Variants in COL5A1 observed in about 807,000 individuals in gnomAD.
The protein encoded by COL5A1 is collagen alpha-1(V) chain.
A neutral mutation model predicts 263.7 loss-of-function variants in COL5A1; 16 were observed. The ratio of observed to expected loss-of-function variants is 0.06; its 90% CI spans 0.04 to 0.09. COL5A1 has a LOEUF of 0.09. Ranked by LOEUF, COL5A1 falls within the 10% of genes least tolerant of loss-of-function variation. COL5A1 has a pLI of 1.00. For missense variants in COL5A1, 2,036 were observed against 2,540.5 expected, an observed-to-expected ratio of 0.80 and a Z score of 4.27; for synonymous variants, 1,012 against 1,004.5, an observed-to-expected ratio of 1.01 and a Z score of -0.14.
Position 134,802,991 on chromosome 9 carries a change from C to T in COL5A1, c.3110C>T (p.Thr1037Met), listed in dbSNP as rs150487609. 9.0e-5 allele frequency: 144 copies of T among 1,598,662 alleles called. No individual in the cohort carries two copies. Among genetic ancestry groups the T allele is most frequent in the Admixed American group, 1.7e-4 (10 of 57,424 alleles). Residue 1037 changes from threonine (T) to methionine (M), a missense_variant, in exon 39 of 66, where the codon ACG becomes ATG. Coordinates refer to ENST00000371817, the MANE Select transcript of COL5A1 (RefSeq NM_000093.5). ...CCGGGCCTTGCTGGAAAAGAAGGGACGAAGGTGAGTTTCTGGAGCCTTCTG... is the reference window on the plus strand; with the variant it reads ...CCGGGCCTTGCTGGAAAAGAAGGGATGAAGGTGAGTTTCTGGAGCCTTCTG... ...GLPGLAGKEG[T>M]KGDPGPAGLP...
intron 25 of COL5A1, among the ~76,000 whole-genome samples, chr9:134,771,599 C>T (rs1228226968): frequency 1.3e-5 from 2 of 152,246 alleles, no homozygotes; most frequent in South Asian, 2.1e-4. Flanking sequence ...AAGTCACACA[C>T]GAACCATTTA....
chr9:134,822,126 G>A lies in COL5A1; in HGVS notation c.4584G>A (p.Gly1528=). The A allele has an allele frequency of 6.2e-7, 1 of 1,606,124 alleles. No individual in the cohort carries two copies. Among genetic ancestry groups the A allele is most frequent in the South Asian group, 1.1e-5 (1 of 90,922 alleles). The change falls in exon 59 of 66, where the codon GGG becomes GGA. Residue 1528 remains glycine (G), a synonymous_variant. Transcript: ENST00000371817. ...TCACTGGTCCTTCTGGCCCGATTGGGCCTCCTGGGCCCCCTGGCCTGCCGG... is the reference window on the plus strand; with the variant it reads ...TCACTGGTCCTTCTGGCCCGATTGGACCTCCTGGGCCCCCTGGCCTGCCGG... ...QGITGPSGPI[G]PPGPPGLPGP...
intron 4 of COL5A1, 141 bp downstream of exon 4, chr9:134,701,474 C>G: frequency 2.4e-6 from 2 of 849,944 alleles, no homozygotes; most frequent in South Asian, 2.9e-5. Context: ...GGTCAGAAGC[C>G]TCTGCTGCCA....
Position 134,666,260 on chromosome 9 carries a change from C to T in COL5A1, c.109+23964C>T, listed in dbSNP as rs182822182. ...TGCCATCCTTCATCCACTCATTTTA[C>T]AGGTGGGGAACCTGAGGCTGGTACC... On this transcript the variant is annotated intron_variant, in intron 1 of 65. Transcript: ENST00000371817. 3.4e-3 allele frequency among the ~76,000 whole-genome samples: 517 copies of T among 152,306 alleles called. 20 individuals are homozygous for T. In the South Asian group the frequency reaches 0.068, roughly 20 times the overall value.
At chr9:134,703,845 T>C (rs957049199) in intron 4 of COL5A1, among the ~76,000 whole-genome samples, 35 of 152,038 alleles carry the variant, frequency 2.3e-4, no homozygotes, top group African/African-American at 6.5e-4. Flanking sequence ...TTCACTGTGT[T>C]AGCCAGGATG....
chr9:134,766,910 A>T lies in COL5A1; in HGVS notation c.2134-90A>T, dbSNP rs1017991066. ...AGGCAGTGGGGAGCAGTTTGAAAGG[A>T]TGGGAGGCCAGTGAGGGGGCACACG... is the stretch of plus-strand genomic sequence containing the variant. On this transcript the variant is annotated intron_variant, in intron 22 of 65. Transcript: ENST00000371817. 7 of 1,249,646 alleles carry T rather than the reference A, an allele frequency of 5.6e-6. No individual in the cohort carries two copies. The African/African-American group carries it at 1.0e-4, about 18-fold the overall frequency. The allele number at this position is 1,249,646 out of a possible 1,614,324, so 77.4% of individuals were successfully genotyped here. A position where few individuals can be genotyped will look rare whatever the true frequency, so the allele number is the denominator to read the frequency against.
intron 65 of COL5A1, among the ~76,000 whole-genome samples, chr9:134,836,595 C>G (rs886623713): frequency 1.3e-5 from 2 of 152,186 alleles, no homozygotes; most frequent in Admixed American, 6.5e-5. Context: ...CCTGGGCAGG[C>G]AGGAAAGCCA....
chr9:134,763,926 A>T (rs1564443953), intron 20 of COL5A1, among the ~76,000 whole-genome samples, 189 bp downstream of exon 20: 1 of 151,532 alleles, frequency 6.6e-6, no homozygotes, highest in Non-Finnish European at 1.5e-5. Flanking sequence ...GCTGGCTGGC[A>T]ACTCCAGGAG....
chr9:134,696,878 G>C lies in COL5A1; in HGVS notation c.278-3031G>C, dbSNP rs1353145222. 6.6e-6 allele frequency among the ~76,000 whole-genome samples: 1 copy of C among 152,066 alleles called. No individual in the cohort carries two copies. Among genetic ancestry groups the C allele is most frequent in the Non-Finnish European group, 1.5e-5 (1 of 68,032 alleles). On this transcript the variant is annotated intron_variant, in intron 2 of 65. Transcript: ENST00000371817. This position sits in a 1 kb window ranked among gnomAD's most constrained non-coding sequence, Gnocchi z 4.3. ...GAGGTCAGGAGATCGAGACCATCCT[G>C]GCTAACACGGTGAAACCCCATCCCT...
At chr9:134,822,974 C>T (rs772080902) in intron 59 of COL5A1, 24 bp from the exon 60 acceptor site, 56 of 1,613,818 alleles carry the variant, frequency 3.5e-5, no homozygotes, top group East Asian at 4.5e-5. Context: ...GGCTTGCTGA[C>T]GTTCTGCCCT....
intron 51 of COL5A1, 150 bp downstream of exon 51, chr9:134,815,779 G>A: frequency 2.4e-6 from 3 of 1,270,442 alleles, no homozygotes; most frequent in Non-Finnish European, 3.4e-6. Flanking sequence ...CCGGTGATCA[G>A]AGCAAGAAAA....
intron 63 of COL5A1, among the ~76,000 whole-genome samples, chr9:134,827,727 T>G (rs1273225175): frequency 6.6e-6 from 1 of 152,108 alleles, no homozygotes; most frequent in Non-Finnish European, 1.5e-5. Flanking sequence ...GGGCTACAGC[T>G]GCTTGGCCAA....
intron 18 of COL5A1, among the ~76,000 whole-genome samples, chr9:134,759,417 ACACT>A (rs1256767577): frequency 7.3e-6 from 1 of 137,652 alleles, no homozygotes; most frequent in East Asian, 2.4e-4. Context: ...ACACACACCC[ACACT>A]CATACACACA....
intron 59 of COL5A1, among the ~76,000 whole-genome samples, chr9:134,822,724 C>G (rs866452804): frequency 1.6e-4 from 24 of 150,772 alleles, no homozygotes; most frequent in Middle Eastern, 3.4e-3. Flanking sequence ...CGCTGCGCCC[C>G]CCCCGCGGCT....
In COL5A1 at chr9:134,823,449, C is replaced by T; in HGVS notation, c.4678C>T (p.Pro1560Ser). 1 of 1,614,152 alleles carries T rather than the reference C, an allele frequency of 6.2e-7. No homozygotes were observed. The highest frequency in any genetic ancestry group is 2.2e-5 in the East Asian group (1 of 44,874). Reference sequence around the variant, plus strand: ...TGGCCCGAAGGGTGAGGCAGGCCACCCAGGACCCCCAGGCCCCCCGGTAAG... The same window carrying T: ...TGGCCCGAAGGGTGAGGCAGGCCACTCAGGACCCCCAGGCCCCCCGGTAAG... Reference protein sequence around the residue: ...PTGPKGEAGHPGPPGPPGPPG... With the variant: ...PTGPKGEAGHSGPPGPPGPPG... Residue 1560 changes from proline (P) to serine (S), a missense_variant, in exon 61 of 66, where the codon CCA (proline) becomes TCA (serine). Transcript: ENST00000371817.
intron 61 of COL5A1, among the ~76,000 whole-genome samples, chr9:134,824,038 G>A (rs1013121749): frequency 1.3e-5 from 2 of 150,134 alleles, no homozygotes; most frequent in Admixed American, 6.6e-5. Context: ...TGTTGGGATG[G>A]GGGAGCACTA....
At position 134,773,576 on chromosome 9, in the gene COL5A1, G is replaced by A. The variant is rs965897426; in HGVS notation, c.2331+742G>A. 2.0e-5 allele frequency among the ~76,000 whole-genome samples: 3 copies of A among 152,308 alleles called. No homozygotes were observed. In the East Asian group the frequency reaches 5.8e-4, roughly 29 times the overall value. Reference sequence around the variant, plus strand: ...GCCCACCTGCTCCAGGGTTCCAGAGGCCCCAGTTGTCACAGGCTCTGGAAT... The same window carrying A: ...GCCCACCTGCTCCAGGGTTCCAGAGACCCCAGTTGTCACAGGCTCTGGAAT... On this transcript the variant is annotated intron_variant, in intron 26 of 65. Coordinates refer to ENST00000371817, the MANE Select transcript of COL5A1 (RefSeq NM_000093.5).
intron 1 of COL5A1, among the ~76,000 whole-genome samples, chr9:134,663,972 A>G (rs1279648218): frequency 6.6e-6 from 1 of 152,316 alleles, no homozygotes; most frequent in East Asian, 1.9e-4. Context: ...GGAAGGGAAC[A>G]TCTTGGGGGT....
chr9:134,697,942 G>A (rs1037426593), intron 2 of COL5A1, among the ~76,000 whole-genome samples: 3 of 152,176 alleles, frequency 2.0e-5, no homozygotes, highest in African/African-American at 7.2e-5. Flanking sequence ...AAATTAATCA[G>A]GCGTGGTGGT....
Sources: allele counts gnomAD v4.1 joint callset (sites outside exome capture counted in the v4.1 genomes callset), GRCh38; gene constraint gnomAD v4.1.1; non-coding constraint Gnocchi (gnomAD v3.1); transcripts MANE v1.5; gene names NCBI Gene and HGNC (gene_info 2026-07-23, HGNC 2026-07-21).